VILL: variants seen among roughly 807,000 people sequenced by gnomAD.
VILL encodes the protein villin like.
Under a neutral mutation model 106.3 loss-of-function variants are expected in VILL, and 102 were observed. That is an observed-to-expected ratio of 0.96 (90% CI 0.82 to 1.13). The LOEUF (loss-of-function observed/expected upper bound fraction) is 1.13, where lower values mean the gene tolerates loss of function less well. VILL is among the 50% of genes most tolerant of loss of function. The probability of loss-of-function intolerance (pLI) is 0.00; values close to 1 mark genes in which losing one functional copy is unlikely to be tolerated. For synonymous variants in VILL, 431 were observed against 440.3 expected, an observed-to-expected ratio of 0.98 and a Z score of 0.27; for missense variants, 1,076 against 1,116.6, an observed-to-expected ratio of 0.96 and a Z score of 0.52.
At chr3:38,005,368 C>T (rs1025557832) in intron 16 of VILL, among the ~76,000 whole-genome samples, 2 of 152,112 alleles carry the variant, frequency 1.3e-5, no homozygotes, top group Non-Finnish European at 2.9e-5. Flanking sequence ...GCTTTTACAC[C>T]GGTTGTTTCT....
chr3:38,004,778 G>A (rs779422413), intron 16 of VILL, among the ~76,000 whole-genome samples: 2 of 152,220 alleles, frequency 1.3e-5, no homozygotes, highest in Non-Finnish European at 2.9e-5. Context: ...TCATGTGTGT[G>A]GCTTGGTGTG....
In VILL at chr3:38,001,829, C is replaced by T. The variant is rs2125536125; in HGVS notation, c.1448C>T (p.Ala483Val). ...TMGSEPPHFL[A>V]IFQGQLVIFQ... ...GGCAGCGAGCCCCCCCACTTCCTCG[C>T]CATCTTCCAGGGCCAGCTGGTGATC... The change falls in exon 13 of 20, where the codon GCC becomes GTC. Residue 483 changes from alanine (A) to valine (V), a missense_variant. By Grantham distance (64) the Ala-to-Val change is moderately conservative. Coordinates refer to ENST00000383759, the MANE Select transcript of VILL (RefSeq NM_015873.4). The T allele has an allele frequency of 6.2e-7, 1 of 1,614,236 alleles. No individual in the cohort carries two copies. The highest frequency in any genetic ancestry group is 8.5e-7 in the Non-Finnish European group (1 of 1,180,042).
Position 38,001,564 on chromosome 3 carries a change from C to T in VILL, c.1291C>T (p.Arg431Cys), listed in dbSNP as rs201376128. 1.2e-5 allele frequency: 19 copies of T among 1,614,104 alleles called. No individual in the cohort carries two copies. Among genetic ancestry groups the T allele is most frequent in the South Asian group, 3.3e-5 (3 of 91,094 alleles). Residue 431 changes from arginine (R) to cysteine (C), a missense_variant, in exon 12 of 20, where the codon CGT (arginine) becomes TGT (cysteine). Arg to Cys is a radical substitution (Grantham distance 180, BLOSUM62 -3). Transcript: ENST00000383759. ...GCTCTACACATACCAGAGGCTGGGC[C>T]GTGTCCAGTACATCCTGTACCTATG... is the stretch of plus-strand genomic sequence containing the variant. Reference protein sequence around the residue: ...LVLYTYQRLGRVQYILYLWQG... With the variant: ...LVLYTYQRLGCVQYILYLWQG...
At position 38,002,978 on chromosome 3, in the gene VILL, C is replaced by T. The variant is rs112819729; in HGVS notation, c.1660-190C>T. The T allele has an allele frequency of 3.6e-3, 2,621 of 725,234 alleles. 51 individuals carry two copies. In the African/African-American group the frequency reaches 0.036, roughly 10 times the overall value. The allele number at this position is 725,234 out of a possible 1,614,324, so 44.9% of individuals were successfully genotyped here. A position where few individuals can be genotyped will look rare whatever the true frequency, so the allele number is the denominator to read the frequency against. On this transcript the variant is annotated intron_variant, in intron 14 of 19. Coordinates refer to ENST00000383759, the MANE Select transcript of VILL (RefSeq NM_015873.4). ...GACCCTGCGAGGGTCCCAGACCCTG[C>T]GATCCAGATCAACTGGGGACACAGG...
chr3:38,005,086 C>T (rs572668026), intron 16 of VILL, among the ~76,000 whole-genome samples: 2 of 151,788 alleles, frequency 1.3e-5, no homozygotes, highest in East Asian at 1.9e-4. Context: ...GGCTGTGTGG[C>T]GATGGATGAC....
Position 37,993,592 on chromosome 3 carries a change from C to T in VILL, c.-81C>T, listed in dbSNP as rs1173853187. The stretch of plus-strand genomic sequence containing the variant: ...AGTCATGTTCTATAATGAAGTTGTA[C>T]AGGTAGCCAGGTGTCGGTCTCCAGC... On this transcript the variant is annotated 5_prime_UTR_variant, in exon 2 of 20. Coordinates refer to ENST00000383759, the MANE Select transcript of VILL (RefSeq NM_015873.4). The T allele has an allele frequency of 8.2e-6, 11 of 1,335,442 alleles. No individual in the cohort carries two copies. The highest frequency in any genetic ancestry group is 1.2e-5 in the Non-Finnish European group (11 of 940,836). 82.7% of individuals were successfully genotyped at this position (1,335,442 alleles called of 1,614,324 possible). A position where few individuals can be genotyped will look rare whatever the true frequency, so the allele number is the denominator to read the frequency against.
rs1401689872 is a variant in VILL, at chr3:37,994,101, G to C, written c.135+129G>C. On this transcript the variant is annotated intron_variant, in intron 3 of 19. Coordinates refer to ENST00000383759, the MANE Select transcript of VILL (RefSeq NM_015873.4). The stretch of plus-strand genomic sequence containing the variant: ...GCCGGAGAATCACATCCCACAAGGG[G>C]GCGGTTACCGTTGAGGCTTCTTAGT... 4.2e-6 allele frequency: 6 copies of C among 1,435,176 alleles called. No homozygotes were observed. The African/African-American group carries it at 8.4e-5, about 20-fold the overall frequency. The allele number at this position is 1,435,176 out of a possible 1,614,324, so 88.9% of individuals were successfully genotyped here. A position where few individuals can be genotyped will look rare whatever the true frequency, so the allele number is the denominator to read the frequency against.
At position 38,006,667 on chromosome 3, in the gene VILL, C is replaced by T; in HGVS notation, c.2424C>T (p.Asp808=). 6.2e-7 allele frequency: 1 copy of T among 1,612,646 alleles called. No individual in the cohort carries two copies. The highest frequency in any genetic ancestry group is 8.5e-7 in the Non-Finnish European group (1 of 1,179,606). The change falls in exon 19 of 20, where the codon GAC becomes GAT. Residue 808 remains aspartate (D), a synonymous_variant. Coordinates refer to ENST00000383759, the MANE Select transcript of VILL (RefSeq NM_015873.4). ...REQLMHQAVE[D]LPEGVDPARR... ...AACTGATGCACCAGGCTGTTGAGGA[C>T]CTGCCAGAGGGCGTGGACCCTGCCC...
At chr3:38,005,011 G>T (rs966611828) in intron 16 of VILL, among the ~76,000 whole-genome samples, 5 of 152,200 alleles carry the variant, frequency 3.3e-5, no homozygotes, top group Non-Finnish European at 7.3e-5. Flanking sequence ...AAGTGCTGTT[G>T]TGTTTGCATG....
chr3:38,002,515 C>G lies in VILL; in HGVS notation c.1599C>G (p.Leu533=), dbSNP rs780373491. ...AGGTGCCAGCCCGTGCCTCATCCCT[C>G]AACTCCAGTGACATCTTCTTGCTGG... ...TMEVPARASS[L]NSSDIFLLVT... Residue 533 remains leucine (L), a synonymous_variant, in exon 14 of 20, where the codon CTC becomes CTG. Transcript: ENST00000383759. The G allele has an allele frequency of 1.1e-5, 17 of 1,614,122 alleles. No individual in the cohort carries two copies. Among genetic ancestry groups the G allele is most frequent in the Admixed American group, 1.7e-5 (1 of 60,006 alleles).
rs755606435 is a variant in VILL at position 37,997,230 on chromosome 3, G to A, written c.561+43G>A. On this transcript the variant is annotated intron_variant, in intron 6 of 19. Coordinates refer to ENST00000383759, the MANE Select transcript of VILL (RefSeq NM_015873.4). This position sits in a 1 kb window ranked among gnomAD's most constrained non-coding sequence, Gnocchi z 4.7. ...GAACTGGGGAGTACGGGGCTTGGGC[G>A]GGGAATGATCCTCCAGTTGACCATC... 8 of 1,587,640 alleles carry A rather than the reference G, an allele frequency of 5.0e-6. No individual in the cohort carries two copies. Among genetic ancestry groups the A allele is most frequent in the East Asian group, 2.2e-5 (1 of 44,742 alleles).
At chr3:37,989,913 C>G (rs1699589583), upstream of VILL, among the ~76,000 whole-genome samples, 1 of 152,242 alleles carries the variant, frequency 6.6e-6, no homozygotes, top group African/African-American at 2.4e-5. Context: ...TTGCTGGACA[C>G]AGACTGCCCC....
At chr3:37,992,645 T>C (rs1171322943) in intron 1 of VILL, among the ~76,000 whole-genome samples, 7 of 152,154 alleles carry the variant, frequency 4.6e-5, no homozygotes, top group Non-Finnish European at 7.3e-5. Context: ...ATGGTTTCCA[T>C]AGGGTGTCGG....
At chr3:37,999,582 A>C (rs1490449571) in intron 11 of VILL, 143 bp downstream of exon 11, 1 of 580,584 alleles carries the variant, frequency 1.7e-6, no homozygotes, top group Non-Finnish European at 2.8e-6. Context: ...GTGTACATTT[A>C]CATACTCTCC....
At chr3:38,002,610 G>C (rs1024121719) in intron 14 of VILL, 35 bp downstream of exon 14, 1 of 1,594,556 alleles carries the variant, frequency 6.3e-7, no homozygotes, top group African/African-American at 1.3e-5. Flanking sequence ...TTCATGCCCA[G>C]ATGTAGTGGT....
rs1449942634 is a variant in VILL at position 38,001,481 on chromosome 3, G to A, written c.1208G>A (p.Arg403Lys). The A allele has an allele frequency of 6.2e-7, 1 of 1,614,214 alleles. No homozygotes were observed. The highest frequency in any genetic ancestry group is 8.5e-7 in the Non-Finnish European group (1 of 1,180,022). The part of the protein sequence containing the change: ...VEVWCIQDLH[R>K]QPVDPKRHGQ... ...GTGTGGTGCATCCAGGACTTACACA[G>A]GCAGCCCGTGGACCCCAAGCGTCAT... is the stretch of plus-strand genomic sequence containing the variant. The change falls in exon 12 of 20, where the codon AGG becomes AAG. Residue 403 changes from arginine to lysine, a missense_variant. By Grantham distance (26) the Arg-to-Lys change is conservative. Transcript: ENST00000383759.
chr3:38,006,758 CA>C, intron 19 of VILL, 58 bp downstream of exon 19: 1 of 1,554,634 alleles, frequency 6.4e-7, no homozygotes, highest in South Asian at 1.2e-5. Flanking sequence ...TGGAGGAGCC[CA>C]AGGCAGGATC....
Position 37,994,411 on chromosome 3 carries a change from G to A in VILL, c.286G>A (p.Glu96Lys), listed in dbSNP as rs1699664610. 6.2e-7 allele frequency: 1 copy of A among 1,612,692 alleles called. No individual in the cohort carries two copies. Among genetic ancestry groups the A allele is most frequent in the Non-Finnish European group, 8.5e-7 (1 of 1,179,876 alleles). Reference protein sequence around the residue: ...ELGGQTVLHREAQGHESDCFC... With the variant: ...ELGGQTVLHRKAQGHESDCFC... ...GGGGGGCCAGACCGTGCTGCACCGCGAGGCGCAGGGCCACGAGTCCGACTG... is the reference window on the plus strand; with the variant it reads ...GGGGGGCCAGACCGTGCTGCACCGCAAGGCGCAGGGCCACGAGTCCGACTG... The change falls in exon 4 of 20, where the codon GAG (glutamate) becomes AAG (lysine). Residue 96 changes from glutamate to lysine, a missense_variant. Glu to Lys is a moderately conservative substitution (Grantham distance 56, BLOSUM62 1). Transcript: ENST00000383759.
In VILL at chr3:37,998,393, A is replaced by C. The variant is rs1699746993; in HGVS notation, c.942+29A>C. 1 of 1,606,826 alleles carries C rather than the reference A, an allele frequency of 6.2e-7. No individual in the cohort carries two copies. The highest frequency in any genetic ancestry group is 1.7e-5 in the Admixed American group (1 of 59,940). ...AGCCCTGGGGCTCTGTCTGAGAGGA[A>C]CAGAGCACTGCCCTGGGGTCTGAGT... On this transcript the variant is annotated intron_variant, in intron 9 of 19. Coordinates refer to ENST00000383759, the MANE Select transcript of VILL (RefSeq NM_015873.4). This position sits in a 1 kb window ranked among gnomAD's most constrained non-coding sequence, Gnocchi z 4.1.
Sources: gnomAD v4.1 joint callset for allele counts (sites outside exome capture counted in the v4.1 genomes callset) on GRCh38, gnomAD v4.1.1 for gene constraint, Gnocchi (gnomAD v3.1) non-coding constraint, MANE v1.5 for transcripts, NCBI Gene and HGNC (gene_info 2026-07-23, HGNC 2026-07-21) for gene names.